Variants in PALS2 observed in about 807,000 individuals in gnomAD.
The protein encoded by PALS2 is protein PALS2.
PALS2 carries 27 observed loss-of-function variants against 61.6 expected under a neutral mutation model. That is an observed-to-expected ratio of 0.44 (90% CI 0.32 to 0.60). PALS2 has a LOEUF of 0.60. Among genes scored for constraint, PALS2 ranks in the 20% least tolerant of loss-of-function variants. The pLI, the probability that PALS2 is intolerant of heterozygous loss-of-function variation, is 0.05. For missense variants in PALS2, 554 were observed against 639.4 expected (o/e 0.87, Z 1.44); for synonymous variants, 236 against 218.6 (o/e 1.08, Z -0.70).
chr7:24,635,947 C>T (rs765511751), intron 2 of PALS2, among the ~76,000 whole-genome samples: 4 of 152,082 alleles, frequency 2.6e-5, no homozygotes, highest in Non-Finnish European at 5.9e-5. Flanking sequence ...CGCGGTGGCT[C>T]ATGCCTATAA....
intron 1 of PALS2, among the ~76,000 whole-genome samples, chr7:24,601,191 C>G (rs1375327944): frequency 6.6e-6 from 1 of 152,074 alleles, no homozygotes; most frequent in Admixed American, 6.6e-5. Flanking sequence ...TATACTCTTC[C>G]AATCCCTCAG....
At chr7:24,683,322 C>G (rs1788029808) in intron 11 of PALS2, among the ~76,000 whole-genome samples, 1 of 152,144 alleles carries the variant, frequency 6.6e-6, no homozygotes, top group Non-Finnish European at 1.5e-5. Context: ...GGTCAGCTTT[C>G]AGAATAATGA....
intron 3 of PALS2, among the ~76,000 whole-genome samples, chr7:24,647,301 G>A (rs551698856): frequency 5.9e-5 from 9 of 151,936 alleles, no homozygotes; most frequent in East Asian, 3.9e-4. Context: ...GTCACGTGCC[G>A]TGACACCCAG....
chr7:24,668,429 A>G, intron 8 of PALS2, 70 bp from the exon 9 acceptor site: 11 of 1,405,214 alleles, frequency 7.8e-6, no homozygotes, highest in African/African-American at 1.4e-5. Context: ...CCATTACTAG[A>G]CAGAATTGCA....
chr7:24,643,577 A>G (rs908406092), intron 3 of PALS2, among the ~76,000 whole-genome samples: 2 of 152,068 alleles, frequency 1.3e-5, no homozygotes, highest in African/African-American at 2.4e-5. Flanking sequence ...AGACTTCTCC[A>G]TTTGATACCA....
At chr7:24,619,511 A>T (rs1784412647) in intron 1 of PALS2, among the ~76,000 whole-genome samples, 1 of 152,000 alleles carries the variant, frequency 6.6e-6, no homozygotes, top group Non-Finnish European at 1.5e-5. Context: ...AGGTCAGGGG[A>T]TGGAGACCAT....
chr7:24,658,394 A>T (rs1353890993), intron 5 of PALS2, among the ~76,000 whole-genome samples: 1 of 152,114 alleles, frequency 6.6e-6, no homozygotes, highest in Non-Finnish European at 1.5e-5. Flanking sequence ...ATTCTAGCAC[A>T]TTTGACATTT....
chr7:24,635,179 T>C (rs1458041669), intron 2 of PALS2, among the ~76,000 whole-genome samples: 2 of 152,230 alleles, frequency 1.3e-5, no homozygotes, highest in Non-Finnish European at 2.9e-5. Context: ...ATCTTAACAG[T>C]GATGTCTTCT....
intron 1 of PALS2, among the ~76,000 whole-genome samples, chr7:24,594,209 C>G (rs1783414885): frequency 6.6e-6 from 1 of 152,080 alleles, no homozygotes; most frequent in African/African-American, 2.4e-5. Flanking sequence ...CTCTCTCAGC[C>G]TTCATAGAAT....
At chr7:24,607,781 A>G (rs1783972170) in intron 1 of PALS2, among the ~76,000 whole-genome samples, 1 of 152,030 alleles carries the variant, frequency 6.6e-6, no homozygotes, top group African/African-American at 2.4e-5. Context: ...GACAGACGAG[A>G]TAAATTTTGA....
intron 1 of PALS2, among the ~76,000 whole-genome samples, chr7:24,609,242 G>A (rs971596020): frequency 2.6e-5 from 4 of 152,078 alleles, no homozygotes; most frequent in African/African-American, 9.7e-5. Flanking sequence ...CTGTATTTGT[G>A]TAGGCTGCTC....
intron 11 of PALS2, among the ~76,000 whole-genome samples, chr7:24,682,594 T>A (rs2128034521): frequency 6.6e-6 from 1 of 152,328 alleles, no homozygotes; most frequent in South Asian, 2.1e-4. Flanking sequence ...CTATGATCTG[T>A]TTTTAATACC....
rs1378855721 is a variant in PALS2 at position 24,680,394 on chromosome 7, A to T, written c.1320A>T (p.Ala440=). The change falls in exon 11 of 12, where the codon GCA becomes GCT. Residue 440 remains alanine, a splice_region_variant and synonymous_variant. Transcript: ENST00000222644. ...RTCILDVNPQ[A]LKVLRTSEFM... ...CTTATAATTATTCTTTTACACAGGC[A>T]CTGAAAGTATTGAGGACATCAGAGT... 1.2e-6 allele frequency: 2 copies of T among 1,611,752 alleles called. No individual in the cohort carries two copies. Among genetic ancestry groups the T allele is most frequent in the South Asian group, 2.2e-5 (2 of 90,942 alleles).
At position 24,621,222 on chromosome 7, in the gene PALS2, G is replaced by C. The variant is rs376546318; in HGVS notation, c.-2-2444G>C. 2.6e-5 allele frequency among the ~76,000 whole-genome samples: 4 copies of C among 151,908 alleles called. No individual in the cohort carries two copies. The East Asian group carries it at 5.8e-4, about 22-fold the overall frequency. On this transcript the variant is annotated intron_variant, in intron 1 of 11. Transcript: ENST00000222644. ...TTTGTCAAGTGCACATTGTCCTCTT[G>C]TTCGCTTCTTTACCTTCAAAAATTG... is the stretch of plus-strand genomic sequence containing the variant.
chr7:24,576,357 C>A (rs1418734545), intron 1 of PALS2, among the ~76,000 whole-genome samples: 2 of 152,136 alleles, frequency 1.3e-5, no homozygotes, highest in Non-Finnish European at 2.9e-5. Flanking sequence ...TGGGGGGAGA[C>A]TTTACAATTG....
intron 1 of PALS2, among the ~76,000 whole-genome samples, chr7:24,617,771 A>G (rs574499158): frequency 4.6e-5 from 7 of 152,146 alleles, no homozygotes; most frequent in Non-Finnish European, 1.0e-4. Context: ...GAGGCAACCA[A>G]CTTGGTGTCT....
chr7:24,606,599 A>T (rs761190587), intron 1 of PALS2, among the ~76,000 whole-genome samples: 22 of 152,128 alleles, frequency 1.4e-4, no homozygotes, highest in Non-Finnish European at 3.1e-4. Flanking sequence ...GCATTTAATT[A>T]GGTTTTTTTT....
intron 2 of PALS2, among the ~76,000 whole-genome samples, chr7:24,637,566 A>C (rs940978053): frequency 2.0e-5 from 3 of 152,130 alleles, no homozygotes; most frequent in African/African-American, 7.2e-5. Flanking sequence ...CTACATACAT[A>C]GCTCTTTTCT....
chr7:24,634,517 A>G (rs1785151586), intron 2 of PALS2, among the ~76,000 whole-genome samples: 1 of 152,218 alleles, frequency 6.6e-6, no homozygotes, highest in African/African-American at 2.4e-5. Flanking sequence ...GTCGTGAGCC[A>G]CCACGCCCGG....
Sources: gnomAD v4.1 joint callset for allele counts (sites outside exome capture counted in the v4.1 genomes callset) on GRCh38, gnomAD v4.1.1 for gene constraint, MANE v1.5 for transcripts, NCBI Gene and HGNC (gene_info 2026-07-23, HGNC 2026-07-21) for gene names.